NHSL1: variants seen among roughly 807,000 people sequenced by gnomAD.
NHSL1 encodes the protein NHS-like protein 1.
Under a neutral mutation model 95.0 loss-of-function variants are expected in NHSL1, and 48 were observed. The ratio of observed to expected loss-of-function variants is 0.51; its 90% CI spans 0.40 to 0.64. The LOEUF (loss-of-function observed/expected upper bound fraction) is 0.64. Ranked by LOEUF, NHSL1 falls within the 30% of genes least tolerant of loss-of-function variation. The probability of loss-of-function intolerance (pLI) is 0.00; values close to 1 mark genes in which losing one functional copy is unlikely to be tolerated. For missense variants in NHSL1, 1,971 were observed against 2,077.7 expected (o/e 0.95, Z 1.00); for synonymous variants, 783 against 833.9 (o/e 0.94, Z 1.05).
At position 138,627,767 on chromosome 6, in the gene NHSL1, G is replaced by T. The variant is rs1197014409; in HGVS notation, c.96+64709C>A. Reference sequence around the variant, plus strand: ...GTGGTGGCGGGCGCCTGTAATCCCAGCTACTCAGGAGGCTGAGGCAGGAGA... The same window carrying T: ...GTGGTGGCGGGCGCCTGTAATCCCATCTACTCAGGAGGCTGAGGCAGGAGA... On this transcript the variant is annotated intron_variant, in intron 1 of 3. Coordinates refer to the NHSL1 transcript ENST00000491526. Among the ~76,000 whole-genome samples the T allele has an allele frequency of 2.0e-5, 3 of 152,220 alleles. No homozygotes were observed. In the East Asian group the frequency reaches 5.8e-4, roughly 29 times the overall value.
intron 1 of NHSL1, among the ~76,000 whole-genome samples, chr6:138,637,182 C>T (rs1464643414): frequency 3.3e-5 from 5 of 152,096 alleles, no homozygotes; most frequent in Non-Finnish European, 7.4e-5. Flanking sequence ...GCTGGGAAAA[C>T]TGGATATCCA....
chr6:138,675,040 G>C (rs554520017), intron 1 of NHSL1, among the ~76,000 whole-genome samples: 12 of 112,970 alleles, frequency 1.1e-4, no homozygotes, highest in Admixed American at 4.7e-4. Context: ...TAGGCCACCA[G>C]TCTCCTAAAA....
At chr6:138,631,257 G>A (rs1462044350) in intron 1 of NHSL1, among the ~76,000 whole-genome samples, 1 of 152,146 alleles carries the variant, frequency 6.6e-6, no homozygotes, top group East Asian at 1.9e-4. Context: ...AGTGCTCTGG[G>A]GCTCACCATA....
At chr6:138,688,567 C>G (rs145083047) in intron 1 of NHSL1, among the ~76,000 whole-genome samples, 2 of 151,922 alleles carry the variant, frequency 1.3e-5, no homozygotes, top group Non-Finnish European at 2.9e-5. Flanking sequence ...TGCTTGAACC[C>G]GGGAGGCAGA....
At chr6:138,625,642 A>T (rs1207934857) in intron 1 of NHSL1, among the ~76,000 whole-genome samples, 3 of 49,918 alleles carry the variant, frequency 6.0e-5, no homozygotes, top group African/African-American at 2.9e-4. Flanking sequence ...TTTTTTAATT[A>T]AAAAAAAAAA....
At chr6:138,458,847 A>AC (rs1777806373) in intron 3 of NHSL1, among the ~76,000 whole-genome samples, 1 of 151,880 alleles carries the variant, frequency 6.6e-6, no homozygotes. Context: ...AAAAACAAAA[A>AC]AAAAAACCCA....
intron 1 of NHSL1, among the ~76,000 whole-genome samples, chr6:138,589,346 G>A (rs544168192): frequency 5.7e-4 from 87 of 152,188 alleles, no homozygotes; most frequent in African/African-American, 1.9e-3. Flanking sequence ...ATACAGACCC[G>A]GGGCCCACCC....
intron 1 of NHSL1, among the ~76,000 whole-genome samples, chr6:138,506,939 C>A (rs77085427): frequency 0.049 from 7,461 of 152,198 alleles, 215 homozygotes; most frequent in African/African-American, 0.078. Flanking sequence ...CTAGAAACAA[C>A]CCAAAAGATG....
At chr6:138,641,645 A>T (rs78551820) in intron 1 of NHSL1, among the ~76,000 whole-genome samples, 1 of 151,374 alleles carries the variant, frequency 6.6e-6, no homozygotes, top group Non-Finnish European at 1.5e-5. Context: ...AAAAAAAAAA[A>T]ATCATGGCAG....
rs891816593 is a variant in NHSL1 at position 138,563,841 on chromosome 6, G to T, written c.202+7869C>A. On this transcript the variant is annotated intron_variant, in intron 1 of 6. Transcript: ENST00000427025. ...GGGGTTTCAAGCAGTGAAGTTACAC[G>T]TGACTCATGTTTGAGGTTTAACAGG... Among the ~76,000 whole-genome samples the T allele has an allele frequency of 2.6e-5, 4 of 152,294 alleles. No individual in the cohort carries two copies. In the East Asian group the frequency reaches 7.7e-4, roughly 29 times the overall value.
chr6:138,501,061 G>C (rs1780647893), upstream of NHSL1, among the ~76,000 whole-genome samples: 2 of 152,334 alleles, frequency 1.3e-5, no homozygotes, highest in South Asian at 4.1e-4. Flanking sequence ...GACACAAGGA[G>C]AGTTGTGGGC....
Position 138,432,679 on chromosome 6 carries a change from T to G in NHSL1, c.1666A>C (p.Lys556Gln), listed in dbSNP as rs1562263432. The change falls in exon 6 of 8, where the codon AAA (lysine) becomes CAA (glutamine). Residue 556 changes from lysine to glutamine, a missense_variant. Physicochemically the swap from Lys to Gln is moderately conservative, Grantham distance 53. This residue lies in a region of NHSL1 where 1,602 missense variants were observed against 1,654.5 expected (regional missense o/e 0.97). Transcript: ENST00000343505. This position sits in a 1 kb window ranked among gnomAD's most constrained non-coding sequence, Gnocchi z 4.4. ...GATGCCCTTCCATTACCTGAGGATT[T>G]GTATTCCCAGGGCTCCGAGCTGCTG... ...GHSSSEPWEYKSSGNGRASPL... is the reference protein window; with the variant it reads ...GHSSSEPWEYQSSGNGRASPL... The G allele has an allele frequency of 1.9e-6, 3 of 1,551,616 alleles. No individual in the cohort carries two copies. Among genetic ancestry groups the G allele is most frequent in the Non-Finnish European group, 2.6e-6 (3 of 1,146,988 alleles).
intron 1 of NHSL1, among the ~76,000 whole-genome samples, chr6:138,596,076 T>C (rs543143051): frequency 4.6e-5 from 7 of 152,292 alleles, no homozygotes; most frequent in African/African-American, 1.4e-4. Context: ...GCAGGTCTTA[T>C]GCAAAGGAAA....
At chr6:138,566,135 C>T (rs59149027) in intron 1 of NHSL1, among the ~76,000 whole-genome samples, 201 of 152,028 alleles carry the variant, frequency 1.3e-3, no homozygotes, top group African/African-American at 4.7e-3. Context: ...TGGTGGCTCA[C>T]GCTTGTAATC....
chr6:138,626,235 TCA>T (rs1177411712), intron 1 of NHSL1, among the ~76,000 whole-genome samples: 1 of 152,234 alleles, frequency 6.6e-6, no homozygotes, highest in East Asian at 1.9e-4. Flanking sequence ...TCCTGCCTGA[TCA>T]GTCCACTTGC....
Position 138,470,382 on chromosome 6 carries a change from C to T in NHSL1, c.339+2924G>A, listed in dbSNP as rs578246301. On this transcript the variant is annotated intron_variant, in intron 3 of 7. Coordinates refer to ENST00000343505, the MANE Select transcript of NHSL1 (RefSeq NM_001144060.2). ...ACGTCTCACTGTAGCCTTGACTTCCCGGGCTTAAGCAATCCTCCCACCTTA... is the reference window on the plus strand; with the variant it reads ...ACGTCTCACTGTAGCCTTGACTTCCTGGGCTTAAGCAATCCTCCCACCTTA... Among the ~76,000 whole-genome samples the T allele has an allele frequency of 1.1e-4, 17 of 152,224 alleles. No homozygotes were observed. In the South Asian group the frequency reaches 3.3e-3, roughly 30 times the overall value.
chr6:138,507,542 G>A (rs1169190190), intron 1 of NHSL1, among the ~76,000 whole-genome samples: 1 of 152,174 alleles, frequency 6.6e-6, no homozygotes, highest in African/African-American at 2.4e-5. Flanking sequence ...GACACTGGGT[G>A]TGATCTTACA....
Position 138,431,235 on chromosome 6 carries a change from G to A in NHSL1, c.3110C>T (p.Pro1037Leu), listed in dbSNP as rs1488978439. 2 of 1,522,346 alleles carry A rather than the reference G, an allele frequency of 1.3e-6. No individual in the cohort carries two copies. Among genetic ancestry groups the A allele is most frequent in the African/African-American group, 1.4e-5 (1 of 72,218 alleles). The allele number at this position is 1,522,346 out of a possible 1,614,324, so 94.3% of individuals were successfully genotyped here. A position where few individuals can be genotyped will look rare whatever the true frequency, so the allele number is the denominator to read the frequency against. The change falls in exon 6 of 8, where the codon CCT becomes CTT. Residue 1037 changes from proline to leucine, a missense_variant. Physicochemically the swap from Pro to Leu is moderately conservative, Grantham distance 98. Transcript: ENST00000343505. This position sits in a 1 kb window ranked among gnomAD's most constrained non-coding sequence, Gnocchi z 4.0. ...TTCTGGCTGGCCAGAATTTGTGAAA[G>A]GCGGCCTGGTGTCTTTCATGAATTT... Reference protein sequence around the residue: ...DPKFMKDTRPPFTNSGQPESS... With the variant: ...DPKFMKDTRPLFTNSGQPESS...
intron 1 of NHSL1, among the ~76,000 whole-genome samples, chr6:138,632,031 T>C (rs556592725): frequency 7.4e-4 from 113 of 152,040 alleles, no homozygotes; most frequent in African/African-American, 2.7e-3. Flanking sequence ...CATTCATCAC[T>C]AGCTCACTGA....
Sources: allele counts gnomAD v4.1 joint callset (sites outside exome capture counted in the v4.1 genomes callset), GRCh38; gene constraint gnomAD v4.1.1; regional missense constraint gnomAD v4.1.1; non-coding constraint Gnocchi (gnomAD v3.1); transcripts MANE v1.5; gene names NCBI Gene and HGNC (gene_info 2026-07-23, HGNC 2026-07-21).